The following SUCLG1 variants were observed in gnomAD, a reference collection of about 807,000 sequenced individuals.
The protein encoded by SUCLG1 is succinate-CoA ligase GDP/ADP-forming subunit alpha, also known as succinate--CoA ligase [ADP/GDP-forming] subunit alpha, mitochondrial.
A neutral mutation model predicts 37.3 loss-of-function variants in SUCLG1; 26 were observed. The observed-to-expected ratio is 0.70, with a 90% confidence interval of 0.51 to 0.97. The LOEUF (loss-of-function observed/expected upper bound fraction) is 0.97, where lower values mean the gene tolerates loss of function less well. Among genes scored for constraint, SUCLG1 ranks in the 50% least tolerant of loss-of-function variants. The pLI, the probability that SUCLG1 is intolerant of heterozygous loss-of-function variation, is 0.00. For missense variants in SUCLG1, 433 were observed against 432.9 expected, an observed-to-expected ratio of 1.00 and a Z score of 0.00; for synonymous variants, 163 against 155.6, an observed-to-expected ratio of 1.05 and a Z score of -0.36.
At chr2:84,443,457 A>G in intron 2 of SUCLG1, 57 bp from the exon 3 acceptor site, 1 of 1,470,304 alleles carries the variant, frequency 6.8e-7, no homozygotes, top group South Asian at 1.1e-5. Context: ...GCCCAAGAGA[A>G]GCAAAAGCAA....
At position 84,453,060 on chromosome 2, in the gene SUCLG1, G is replaced by A. The variant is rs576455766; in HGVS notation, c.98-3308C>T. 7.2e-5 allele frequency among the ~76,000 whole-genome samples: 11 copies of A among 152,132 alleles called. No individual in the cohort carries two copies. The East Asian group carries it at 1.4e-3, about 19-fold the overall frequency. On this transcript the variant is annotated intron_variant, in intron 1 of 8. Transcript: ENST00000393868. ...AGTTCGGCCCTAAAATGCTTCTGGC[G>A]GTCCCCAAAGCTACATTAATCTAGT...
intron 1 of SUCLG1, among the ~76,000 whole-genome samples, chr2:84,454,328 G>A (rs898399442): frequency 1.3e-5 from 2 of 152,164 alleles, no homozygotes; most frequent in African/African-American, 2.4e-5. Context: ...TTGTAAAGGC[G>A]CAGCCCTCAC....
At chr2:84,432,143 GAGTGAC>G (rs1672622241) in intron 6 of SUCLG1, among the ~76,000 whole-genome samples, 1 of 152,198 alleles carries the variant, frequency 6.6e-6, no homozygotes, top group South Asian at 2.1e-4. Flanking sequence ...AAGTGCCAGT[GAGTGAC>G]AGTGAGTACC....
At chr2:84,452,941 C>T (rs1265288258) in intron 1 of SUCLG1, among the ~76,000 whole-genome samples, 1 of 152,140 alleles carries the variant, frequency 6.6e-6, no homozygotes, top group Non-Finnish European at 1.5e-5. Context: ...CTTGAACTCC[C>T]ACGTATCAGC....
intron 5 of SUCLG1, among the ~76,000 whole-genome samples, chr2:84,436,964 A>C (rs184291927): frequency 1.3e-5 from 2 of 152,196 alleles, no homozygotes; most frequent in Non-Finnish European, 2.9e-5. Flanking sequence ...CTCTTAAGTG[A>C]AATTTAATTT....
At chr2:84,456,081 C>T (rs569203806) in intron 1 of SUCLG1, among the ~76,000 whole-genome samples, 2 of 152,148 alleles carry the variant, frequency 1.3e-5, no homozygotes, top group Admixed American at 6.5e-5. Flanking sequence ...TGCTAATATC[C>T]ACAACATCAC....
intron 8 of SUCLG1, among the ~76,000 whole-genome samples, chr2:84,424,856 A>T (rs1672510863): frequency 6.6e-6 from 1 of 152,176 alleles, no homozygotes; most frequent in Admixed American, 6.5e-5. Flanking sequence ...AGCAAAACAA[A>T]CAAACAAAAA....
At chr2:84,455,810 T>C (rs1573378518) in intron 1 of SUCLG1, among the ~76,000 whole-genome samples, 1 of 138,210 alleles carries the variant, frequency 7.2e-6, no homozygotes, top group Non-Finnish European at 1.5e-5. Context: ...CACTCCAGCC[T>C]GGGCGACAGA....
chr2:84,453,266 C>T (rs1672967374), intron 1 of SUCLG1, among the ~76,000 whole-genome samples: 2 of 151,916 alleles, frequency 1.3e-5, no homozygotes, highest in East Asian at 1.9e-4. Flanking sequence ...AAGGAATTAA[C>T]GTGAGCAACA....
intron 2 of SUCLG1, among the ~76,000 whole-genome samples, chr2:84,446,303 T>A (rs1310553161): frequency 1.3e-5 from 2 of 152,230 alleles, no homozygotes; most frequent in African/African-American, 2.4e-5. Context: ...GTAAATTCCA[T>A]GAAGACAGTG....
chr2:84,431,822 G>T (rs1412520062), intron 6 of SUCLG1, among the ~76,000 whole-genome samples, 163 bp from the exon 7 acceptor site: 1 of 152,076 alleles, frequency 6.6e-6, no homozygotes, highest in African/African-American at 2.4e-5. Flanking sequence ...ATCACAAAAT[G>T]CTACATTTAT....
rs1672487645 is a variant in SUCLG1, at chr2:84,423,538, A to G, written c.*208T>C. 3.2e-6 allele frequency: 2 copies of G among 616,178 alleles called. No individual in the cohort carries two copies. The highest frequency in any genetic ancestry group is 5.8e-6 in the Non-Finnish European group (2 of 342,224). 38.2% of individuals were successfully genotyped at this position (616,178 alleles called of 1,614,324 possible). A position where few individuals can be genotyped will look rare whatever the true frequency, so the allele number is the denominator to read the frequency against. ...GCCTCCAAAACCATATTGAAATCAA[A>G]TAGTAGATTTATTGGCTGTCTCTGT... On this transcript the variant is annotated 3_prime_UTR_variant, in exon 9 of 9. Transcript: ENST00000393868.
chr2:84,442,540 A>G (rs1336174303), intron 3 of SUCLG1, among the ~76,000 whole-genome samples: 1 of 152,222 alleles, frequency 6.6e-6, no homozygotes. Flanking sequence ...CTGAGCTTAA[A>G]TTAGCTCCCT....
intron 7 of SUCLG1, among the ~76,000 whole-genome samples, chr2:84,427,442 T>C (rs1299649820): frequency 2.0e-5 from 3 of 152,204 alleles, no homozygotes; most frequent in African/African-American, 4.8e-5. Context: ...ATTCCTCAGT[T>C]AGGAAATATG....
At chr2:84,431,753 T>C (rs1489634341) in intron 6 of SUCLG1, 94 bp from the exon 7 acceptor site, 2 of 1,312,384 alleles carry the variant, frequency 1.5e-6, no homozygotes, top group Non-Finnish European at 2.2e-6. Flanking sequence ...GTCATTTTTC[T>C]TACCCTTCTC....
chr2:84,445,902 C>T (rs981044001), intron 2 of SUCLG1, among the ~76,000 whole-genome samples: 3 of 152,200 alleles, frequency 2.0e-5, no homozygotes, highest in African/African-American at 7.2e-5. Context: ...AGCCAAACTC[C>T]ATATACTGGC....
intron 6 of SUCLG1, 76 bp downstream of exon 6, chr2:84,433,276 A>C: frequency 8.1e-7 from 1 of 1,229,258 alleles, no homozygotes; most frequent in Non-Finnish European, 1.2e-6. Context: ...CAAATAATAA[A>C]ATCAATAATT....
chr2:84,447,324 T>C lies in SUCLG1; in HGVS notation c.201+2325A>G, dbSNP rs553078146. On this transcript the variant is annotated intron_variant, in intron 2 of 8. Coordinates refer to ENST00000393868, the MANE Select transcript of SUCLG1 (RefSeq NM_003849.4). ...TTAAAAACAACAAAAAAAAGGAGAG[T>C]GAATGAGAAACAATGTTAACTGCAG... is the stretch of plus-strand genomic sequence containing the variant. 3.3e-5 allele frequency among the ~76,000 whole-genome samples: 5 copies of C among 151,668 alleles called. No homozygotes were observed. In the South Asian group the frequency reaches 8.3e-4, roughly 25 times the overall value.
At chr2:84,445,763 G>A (rs751885149) in intron 2 of SUCLG1, among the ~76,000 whole-genome samples, 35 of 152,126 alleles carry the variant, frequency 2.3e-4, no homozygotes, top group Non-Finnish European at 1.2e-4. Context: ...AACTCTTGAC[G>A]GGTTATTGCC....
Sources: gnomAD v4.1 joint callset for allele counts (sites outside exome capture counted in the v4.1 genomes callset) on GRCh38, gnomAD v4.1.1 for gene constraint, MANE v1.5 for transcripts, NCBI Gene and HGNC (gene_info 2026-07-23, HGNC 2026-07-21) for gene names.